The following TLE2 variants were observed in gnomAD, a reference collection of about 807,000 sequenced individuals.
TLE2 encodes the protein transducin-like enhancer protein 2.
In TLE2, 74 loss-of-function variants were observed where a neutral mutation model predicts 97.2. The observed-to-expected ratio is 0.76, with a 90% CI of 0.63 to 0.92. The LOEUF (loss-of-function observed/expected upper bound fraction) is 0.92. Ranked by LOEUF, TLE2 falls within the 40% of genes least tolerant of loss-of-function variation. The probability of loss-of-function intolerance (pLI) is 0.00; values close to 1 mark genes in which losing one functional copy is unlikely to be tolerated. For missense variants in TLE2, 1,038 were observed against 1,008.7 expected (o/e 1.03, Z -0.39); for synonymous variants, 499 against 432.1 (o/e 1.15, Z -1.92).
chr19:3,025,776 G>C (rs182919754), intron 4 of TLE2: 1 of 218,600 alleles, frequency 4.6e-6, no homozygotes, highest in South Asian at 1.6e-4. Flanking sequence ...TTCCCACCAG[G>C]AGGGTGGAAC....
At chr19:3,033,379 G>A (rs940526516), upstream of TLE2, among the ~76,000 whole-genome samples, 2 of 152,114 alleles carry the variant, frequency 1.3e-5, no homozygotes, top group African/African-American at 4.8e-5. Context: ...ATGTTAGTCA[G>A]GATGGTCTCA....
At position 3,006,606 on chromosome 19, in the gene TLE2, T is replaced by C. The variant is rs1431271522; in HGVS notation, c.1314A>G (p.Ala438=). The C allele has an allele frequency of 8.7e-6, 14 of 1,610,192 alleles. No homozygotes were observed. The highest frequency in any genetic ancestry group is 1.1e-5 in the Non-Finnish European group (13 of 1,178,566). ...GCCGCGGGATGCCCGCGCCTACCAG[T>C]GCATCCGAGGGGAAGGGAACCGGCT... ...QMQPVPFPSD[A]LVGAGIPRHA... Residue 438 remains alanine (A), a synonymous_variant, in exon 15 of 20, where the codon GCA becomes GCG. Transcript: ENST00000262953.
rs779048152 is a variant in TLE2, at chr19:3,005,758, T to C, written c.1711A>G (p.Ile571Val). ...VCFSCCSDGNIVVWDLQNQTM... is the reference protein window; with the variant it reads ...VCFSCCSDGNVVVWDLQNQTM... ...TGATTCTGCAGGTCCCAGACCACAA[T>C]GTTGCCATCGCTGCAGCAGGAGAAG... The change falls in exon 16 of 20, where the codon ATT becomes GTT. Residue 571 changes from isoleucine to valine, a missense_variant. By Grantham distance (29) the Ile-to-Val change is conservative (BLOSUM62 3). Coordinates refer to ENST00000262953, the MANE Select transcript of TLE2 (RefSeq NM_003260.5). 6.2e-7 allele frequency: 1 copy of C among 1,613,672 alleles called. No individual in the cohort carries two copies. Among genetic ancestry groups the C allele is most frequent in the Non-Finnish European group, 8.5e-7 (1 of 1,179,822 alleles).
rs2089381724 is a variant in TLE2 at position 3,002,383 on chromosome 19, A to G, written c.2017T>C (p.Cys673Arg). The G allele has an allele frequency of 8.1e-6, 13 of 1,613,670 alleles. No individual in the cohort carries two copies. Among genetic ancestry groups the G allele is most frequent in the Non-Finnish European group, 1.1e-5 (13 of 1,179,824 alleles). ...GAGGCAAACTTCAGGGACAGCACGCAGCTCTCGTGGAGGTGCAGCTGGTAT... is the reference window on the plus strand; with the variant it reads ...GAGGCAAACTTCAGGGACAGCACGCGGCTCTCGTGGAGGTGCAGCTGGTAT... ...EKYQLHLHES[C>R]VLSLKFASCG... Residue 673 changes from cysteine (C) to arginine (R), a missense_variant, in exon 18 of 20, where the codon TGC becomes CGC. Physicochemically the swap from Cys to Arg is radical, Grantham distance 180 (BLOSUM62 -3). Transcript: ENST00000262953.
chr19:3,042,412 G>GA (rs1348217957), intron 1 of TLE2, among the ~76,000 whole-genome samples: 898 of 68,930 alleles, frequency 0.013, 18 homozygotes, highest in African/African-American at 0.07. Context: ...GGGGTAAGGG[G>GA]GCCTGGGAGG....
Position 3,028,814 on chromosome 19 carries a change from T to C in TLE2, c.25-11A>G, listed in dbSNP as rs780631160. ...GGACTGGAGCGGGGTCTGGGGGGGG[T>C]GTGGGGGAAACGTCAGGGTCTGAGT... On this transcript the variant is annotated splice_polypyrimidine_tract_variant and intron_variant, in intron 1 of 19. Transcript: ENST00000262953. The C allele has an allele frequency of 3.5e-5, 53 of 1,516,984 alleles. No individual in the cohort carries two copies. Among genetic ancestry groups the C allele is most frequent in the Non-Finnish European group, 4.5e-5 (49 of 1,095,840 alleles). The allele number at this position is 1,516,984 out of a possible 1,614,324, so 94.0% of individuals were successfully genotyped here.
intron 14 of TLE2, 115 bp from the exon 15 acceptor site, chr19:3,006,784 T>G: frequency 7.0e-7 from 1 of 1,425,732 alleles, no homozygotes; most frequent in Admixed American, 2.8e-5. Context: ...TGTTTTTTAT[T>G]TTTTGTTTTG....
At chr19:3,041,874 CG>C (rs2090105784) in intron 1 of TLE2, among the ~76,000 whole-genome samples, 1 of 152,150 alleles carries the variant, frequency 6.6e-6, no homozygotes, top group South Asian at 2.1e-4. Context: ...GACCTGCCCA[CG>C]GTCACACAGC....
Position 2,997,817 on chromosome 19 carries a change from G to A in TLE2, c.*31C>T. On this transcript the variant is annotated 3_prime_UTR_variant, in exon 20 of 20. Transcript: ENST00000262953. ...TGGCTGCTGATTCCCCTGGGAGTCT[G>A]GACTTCGGGTACAGGAAGGGGGGTC... The A allele has an allele frequency of 2.6e-6, 4 of 1,519,836 alleles. No individual in the cohort carries two copies. The highest frequency in any genetic ancestry group is 3.6e-6 in the Non-Finnish European group (4 of 1,108,398). 94.1% of individuals were successfully genotyped at this position (1,519,836 alleles called of 1,614,324 possible).
intron 10 of TLE2, 96 bp from the exon 11 acceptor site, chr19:3,013,914 A>G: frequency 8.1e-7 from 1 of 1,227,134 alleles, no homozygotes; most frequent in East Asian, 2.9e-5. Context: ...CAATCTCTAG[A>G]ATGGGTACCC....
At position 3,017,993 on chromosome 19, in the gene TLE2, C is replaced by A. The variant is rs558523709; in HGVS notation, c.551-134G>T. 2.4e-5 allele frequency: 17 copies of A among 701,526 alleles called. No individual in the cohort carries two copies. The African/African-American group carries it at 3.0e-4, about 12-fold the overall frequency. The allele number at this position is 701,526 out of a possible 1,614,324, so 43.5% of individuals were successfully genotyped here. A position where few individuals can be genotyped will look rare whatever the true frequency, so the allele number is the denominator to read the frequency against. On this transcript the variant is annotated intron_variant, in intron 7 of 19. Transcript: ENST00000262953. ...CCACCCCACTCAGAGTCTCTCTACC[C>A]TTCCAACACCCTTGCAAGTGGTGGA...
At chr19:3,007,973 T>G (rs2089511370) in intron 14 of TLE2, among the ~76,000 whole-genome samples, 1 of 151,960 alleles carries the variant, frequency 6.6e-6, no homozygotes, top group Non-Finnish European at 1.5e-5. Context: ...TCCCAGCTAC[T>G]CAGGAGGCTG....
At chr19:3,028,481 C>A (rs2089983711) in intron 2 of TLE2, 99 bp from the exon 3 acceptor site, 2 of 1,213,122 alleles carry the variant, frequency 1.6e-6, no homozygotes, top group Middle Eastern at 2.4e-4. Flanking sequence ...TCCTTACAGA[C>A]CTCCCCCCAC....
At chr19:3,012,746 C>T (rs1011979683) in intron 11 of TLE2, among the ~76,000 whole-genome samples, 6 of 152,194 alleles carry the variant, frequency 3.9e-5, no homozygotes, top group African/African-American at 7.2e-5. Context: ...TCTGTTATCT[C>T]GGCTTCATGT....
At chr19:3,005,996 G>A (rs2089466820) in intron 15 of TLE2, 28 bp from the exon 16 acceptor site, 5 of 1,608,690 alleles carry the variant, frequency 3.1e-6, no homozygotes, top group African/African-American at 2.7e-5. Context: ...AGCAGGGGCT[G>A]GGGGTTGGTC....
In TLE2 at chr19:3,003,775, A is replaced by AC. The variant is rs564524741; in HGVS notation, c.1897-1273dup. On this transcript the variant is annotated intron_variant, in intron 17 of 19. Transcript: ENST00000262953. ...GCTGGAGTGCAGTGGTGCAATCATGACCCACTGCAGCCTCAACCTCCTCCC... is the reference window on the plus strand; with the variant it reads ...GCTGGAGTGCAGTGGTGCAATCATGACCCCACTGCAGCCTCAACCTCCTCCC... Among the ~76,000 whole-genome samples the AC allele has an allele frequency of 5.5e-4, 82 of 150,370 alleles. No individual in the cohort carries two copies. In the South Asian group the frequency reaches 0.016, roughly 30 times the overall value.
chr19:3,045,172 C>T (rs1422684284), intron 1 of TLE2, among the ~76,000 whole-genome samples: 1 of 152,180 alleles, frequency 6.6e-6, no homozygotes, highest in East Asian at 1.9e-4. Context: ...TATGATAGCG[C>T]CACTGAACTT....
rs749810992 is a variant in TLE2 at position 3,006,674 on chromosome 19, A to G, written c.1251-5T>C. 1.9e-6 allele frequency: 3 copies of G among 1,583,102 alleles called. No individual in the cohort carries two copies. Among genetic ancestry groups the G allele is most frequent in the Admixed American group, 3.4e-5 (2 of 58,410 alleles). The stretch of plus-strand genomic sequence containing the variant: ...GACACGTGGAAGGAGTAGGCCCTGG[A>G]GAGAAAGCCGGGGCATGACCCAGCC... On this transcript the variant is annotated splice_polypyrimidine_tract_variant and splice_region_variant and intron_variant, in intron 14 of 19. Transcript: ENST00000262953.
At chr19:3,024,588 T>G (rs2089907753) in intron 5 of TLE2, among the ~76,000 whole-genome samples, 1 of 152,080 alleles carries the variant, frequency 6.6e-6, no homozygotes, top group Non-Finnish European at 1.5e-5. Context: ...TAGGGTTAAC[T>G]TTCATCAGGT....
Sources: allele counts gnomAD v4.1 joint callset (sites outside exome capture counted in the v4.1 genomes callset), GRCh38; gene constraint gnomAD v4.1.1; transcripts MANE v1.5; gene names NCBI Gene and HGNC (gene_info 2026-07-23, HGNC 2026-07-21).